APC: variants seen among roughly 807,000 people sequenced by gnomAD.
The protein encoded by APC is APC regulator of Wnt signaling pathway.
Under a neutral mutation model 247.0 loss-of-function variants are expected in APC, and 72 were observed. The ratio of observed to expected loss-of-function variants is 0.29; its 90% CI spans 0.24 to 0.35. The LOEUF (loss-of-function observed/expected upper bound fraction) is 0.35, where lower values mean the gene tolerates loss of function less well. Ranked by LOEUF, APC falls within the 10% of genes least tolerant of loss-of-function variation. The probability of loss-of-function intolerance (pLI) is 1.00; values close to 1 mark genes in which losing one functional copy is unlikely to be tolerated. For missense variants in APC, 3,400 were observed against 3,360.7 expected (o/e 1.01, Z -0.29); for synonymous variants, 1,254 against 1,162.5 (o/e 1.08, Z -1.60).
chr5:112,784,636 C>A (rs1053346112), intron 6 of APC, among the ~76,000 whole-genome samples: 1 of 152,158 alleles, frequency 6.6e-6, no homozygotes, highest in Admixed American at 6.5e-5. Context: ...TCCCTCCTAA[C>A]TCCCTGCTTG....
intron 11 of APC, among the ~76,000 whole-genome samples, chr5:112,825,591 C>G (rs1763568328): frequency 6.6e-6 from 1 of 152,176 alleles, no homozygotes; most frequent in Admixed American, 6.5e-5. Context: ...ATGGCTCATG[C>G]CTGTAATCCC....
chr5:112,804,115 G>A (rs1255577000), intron 8 of APC, among the ~76,000 whole-genome samples: 3 of 152,114 alleles, frequency 2.0e-5, no homozygotes, highest in Non-Finnish European at 4.4e-5. Flanking sequence ...CATATTATAT[G>A]TTTTACTCAT....
At chr5:112,737,156 C>G (rs984176983), upstream of APC, among the ~76,000 whole-genome samples, 5 of 152,158 alleles carry the variant, frequency 3.3e-5, no homozygotes, top group African/African-American at 1.2e-4. Flanking sequence ...GCTAACAGCA[C>G]TTCTATGTAT....
chr5:112,725,615 G>A (rs138643816), intron 1 of APC, among the ~76,000 whole-genome samples: 3 of 151,494 alleles, frequency 2.0e-5, no homozygotes, highest in African/African-American at 7.3e-5. Context: ...AAAAAAAATA[G>A]CTGGGCTCAG....
chr5:112,819,322 C>T lies in APC; in HGVS notation c.1290C>T (p.Gly430=), dbSNP rs730881234. The T allele has an allele frequency of 3.1e-6, 5 of 1,613,922 alleles. No individual in the cohort carries two copies. Among genetic ancestry groups the T allele is most frequent in the African/African-American group, 1.3e-5 (1 of 74,914 alleles). The change falls in exon 10 of 16, where the codon GGC becomes GGT. Residue 430 remains glycine (G), a synonymous_variant. Transcript: ENST00000257430. ...CWEWQEAHEP[G]MDQDKNPMPA... ...AGTGGCAGGAAGCTCATGAACCAGG[C>T]ATGGACCAGGACAAAAATCCAAGTA...
chr5:112,841,279 C>G lies in APC; in HGVS notation c.5685C>G (p.Thr1895=), dbSNP rs148592182. The G allele has an allele frequency of 1.9e-6, 3 of 1,613,550 alleles. No individual in the cohort carries two copies. Among genetic ancestry groups the G allele is most frequent in the African/African-American group, 2.7e-5 (2 of 74,866 alleles). ...KENKESEAKV[T]SHTELTSNQQ... ...ATAAGGAATCAGAGGCTAAAGTTAC[C>G]AGCCACACAGAACTAACCTCCAACC... The change falls in exon 16 of 16, where the codon ACC becomes ACG. Residue 1895 remains threonine (T), a synonymous_variant. Transcript: ENST00000257430. This position sits in a 1 kb window ranked among gnomAD's most constrained non-coding sequence, Gnocchi z 4.6.
At chr5:112,814,400 C>T (rs1457064669) in intron 8 of APC, among the ~76,000 whole-genome samples, 1 of 152,156 alleles carries the variant, frequency 6.6e-6, no homozygotes, top group East Asian at 1.9e-4. Flanking sequence ...TTCTGGGTTT[C>T]CGATATCCAT....
At chr5:112,775,864 C>A in intron 5 of APC, 127 bp downstream of exon 5, 1 of 577,240 alleles carries the variant, frequency 1.7e-6, no homozygotes, top group Non-Finnish European at 3.1e-6. Flanking sequence ...TATGTTTTAC[C>A]CAACTTTAGG....
At chr5:112,722,957 CTGTT>C (rs1561405731) in intron 1 of APC, among the ~76,000 whole-genome samples, 1 of 152,118 alleles carries the variant, frequency 6.6e-6, no homozygotes, top group African/African-American at 2.4e-5. Flanking sequence ...CAAGGCCTGT[CTGTT>C]CTGACTCTTC....
intron 15 of APC, among the ~76,000 whole-genome samples, chr5:112,837,301 T>C (rs1219308583): frequency 9.2e-5 from 14 of 152,208 alleles, no homozygotes; most frequent in Non-Finnish European, 1.8e-4. Context: ...TGCAAATGTT[T>C]TAAGCTATTG....
intron 6 of APC, among the ~76,000 whole-genome samples, chr5:112,791,672 A>T (rs1460052930): frequency 1.3e-5 from 2 of 152,194 alleles, no homozygotes; most frequent in Non-Finnish European, 2.9e-5. Flanking sequence ...GGGGACCCTG[A>T]TATTTATTAA....
intron 1 of APC, among the ~76,000 whole-genome samples, chr5:112,710,307 G>A (rs949695777): frequency 3.9e-5 from 6 of 152,104 alleles, no homozygotes; most frequent in African/African-American, 7.2e-5. Flanking sequence ...GGTTTTTATA[G>A]CAAATAACTT....
At position 112,837,992 on chromosome 5, in the gene APC, G is replaced by A. The variant is rs1554084131; in HGVS notation, c.2398G>A (p.Val800Ile). 6.2e-7 allele frequency: 1 copy of A among 1,614,096 alleles called. No individual in the cohort carries two copies. Among genetic ancestry groups the A allele is most frequent in the Non-Finnish European group, 8.5e-7 (1 of 1,180,014 alleles). The change falls in exon 16 of 16, where the codon GTT (valine) becomes ATT (isoleucine). Residue 800 changes from valine to isoleucine, a missense_variant. Transcript: ENST00000257430. ...CAAGCAAAGTCTCTATGGTGATTAT[G>A]TTTTTGACACCAATCGACATGATGA... is the stretch of plus-strand genomic sequence containing the variant. ...RHKQSLYGDY[V>I]FDTNRHDDNR...
chr5:112,773,027 G>A (rs1757229437), intron 4 of APC, among the ~76,000 whole-genome samples: 1 of 152,122 alleles, frequency 6.6e-6, no homozygotes, highest in Admixed American at 6.5e-5. Context: ...GCTTTCTCCT[G>A]TTCCTGTTGT....
At chr5:112,769,678 A>G (rs766870325) in intron 4 of APC, among the ~76,000 whole-genome samples, 2 of 152,116 alleles carry the variant, frequency 1.3e-5, no homozygotes, top group African/African-American at 2.4e-5. Context: ...AAATTTTTGT[A>G]CCATTTTCTT....
rs1426438755 is a variant in APC at position 112,843,647 on chromosome 5, A to T, written c.8053A>T (p.Ser2685Cys). The T allele has an allele frequency of 1.2e-6, 2 of 1,613,904 alleles. No homozygotes were observed. The highest frequency in any genetic ancestry group is 1.3e-5 in the African/African-American group (1 of 75,026). Residue 2685 changes from serine (S) to cysteine (C), a missense_variant, in exon 16 of 16, where the codon AGT becomes TGT. This residue lies in a region of APC where 1,788 missense variants were observed against 1,649.5 expected (regional missense o/e 1.08). Transcript: ENST00000257430. The surrounding 1 kb of genome is among the most constrained non-coding windows in gnomAD (Gnocchi z 4.8). ...AGGTAATACTCCCCCGGTGATTGACAGTGTTTCAGAAAAGGCAAATCCAAA... is the reference window on the plus strand; with the variant it reads ...AGGTAATACTCCCCCGGTGATTGACTGTGTTTCAGAAAAGGCAAATCCAAA... ...PTGNTPPVIDSVSEKANPNIK... is the reference protein window; with the variant it reads ...PTGNTPPVIDCVSEKANPNIK...
rs573935628 is a variant in APC, at chr5:112,834,807, A to G, written c.1744-144A>G. The G allele has an allele frequency of 3.3e-4, 241 of 723,772 alleles. No homozygotes were observed. Among genetic ancestry groups the G allele is most frequent in the Admixed American group, 1.8e-4 (8 of 45,056 alleles). 44.8% of individuals were successfully genotyped at this position (723,772 alleles called of 1,614,324 possible). ...TTTGGTATTTTATGAACATTTTTCT[A>G]AATGGAAAGTTCTTAATTTACCAGT... On this transcript the variant is annotated intron_variant, in intron 14 of 15. Coordinates refer to ENST00000257430, the MANE Select transcript of APC (RefSeq NM_000038.6).
At chr5:112,831,754 C>G (rs2149829096) in intron 14 of APC, among the ~76,000 whole-genome samples, 1 of 152,254 alleles carries the variant, frequency 6.6e-6, no homozygotes, top group South Asian at 2.1e-4. Flanking sequence ...CTACTGGATC[C>G]TTCTTTTTTA....
chr5:112,745,064 C>T (rs1182128904), intron 1 of APC, among the ~76,000 whole-genome samples: 1 of 152,140 alleles, frequency 6.6e-6, no homozygotes, highest in Admixed American at 6.5e-5. Flanking sequence ...AGATATCAGG[C>T]TTTCTGAATT....
Sources: allele counts gnomAD v4.1 joint callset (sites outside exome capture counted in the v4.1 genomes callset), GRCh38; gene constraint gnomAD v4.1.1; regional missense constraint gnomAD v4.1.1; non-coding constraint Gnocchi (gnomAD v3.1); transcripts MANE v1.5; gene names NCBI Gene and HGNC (gene_info 2026-07-23, HGNC 2026-07-21).